Variants in DOCK1 observed in about 807,000 individuals in gnomAD.
DOCK1 encodes the protein dedicator of cytokinesis 1, also known as dedicator of cytokinesis protein 1.
In DOCK1, 138 loss-of-function variants were observed where a neutral mutation model predicts 262.7. That is an observed-to-expected ratio of 0.53 (90% CI 0.46 to 0.61). DOCK1 has a LOEUF of 0.61. Among genes scored for constraint, DOCK1 ranks in the 20% least tolerant of loss-of-function variants. DOCK1 has a pLI of 0.00. For synonymous variants in DOCK1, 866 were observed against 867.4 expected, an observed-to-expected ratio of 1.00 and a Z score of 0.03; for missense variants, 1,908 against 2,370.7, an observed-to-expected ratio of 0.80 and a Z score of 4.05.
chr10:127,334,978 G>A (rs2063132551), intron 29 of DOCK1, among the ~76,000 whole-genome samples: 1 of 152,168 alleles, frequency 6.6e-6, no homozygotes, highest in Non-Finnish European at 1.5e-5. Flanking sequence ...GACTCAGGGA[G>A]AGCCAGGGGC....
rs1931702 is a variant in DOCK1 at position 127,446,980 on chromosome 10, G to A, written c.5414-414G>A. ...TGAATCTCTCCAGGTGATAACTGCAGGGGTGACTGCAGGGGCCTGGCTTGG... is the reference window on the plus strand; with the variant it reads ...TGAATCTCTCCAGGTGATAACTGCAAGGGTGACTGCAGGGGCCTGGCTTGG... On this transcript the variant is annotated intron_variant, in intron 50 of 51. Transcript: ENST00000623213. The surrounding 1 kb of genome is among the most constrained non-coding windows in gnomAD (Gnocchi z 4.4). 0.56 allele frequency among the ~76,000 whole-genome samples: 84,587 copies of A among 151,630 alleles called. 23,612 individuals are homozygous for A. The highest frequency in any genetic ancestry group is 0.6 in the African/African-American group (24,849 of 41,330).
At chr10:127,062,147 C>T (rs1279206949) in intron 23 of DOCK1, among the ~76,000 whole-genome samples, 1 of 152,032 alleles carries the variant, frequency 6.6e-6, no homozygotes, top group African/African-American at 2.4e-5. Context: ...CCATATTGGT[C>T]AGGCTGGTCT....
intron 43 of DOCK1, among the ~76,000 whole-genome samples, chr10:127,413,936 G>C (rs1482456716): frequency 6.6e-6 from 1 of 150,864 alleles, no homozygotes; most frequent in Non-Finnish European, 1.5e-5. Flanking sequence ...TTTTGAGAGA[G>C]AGTCTTGCTC....
chr10:127,038,975 G>T (rs2043840997), intron 19 of DOCK1, among the ~76,000 whole-genome samples: 2 of 152,168 alleles, frequency 1.3e-5, no homozygotes, highest in African/African-American at 4.8e-5. Context: ...AGACTCTCCA[G>T]CAAGGTCTGT....
chr10:127,282,676 T>C (rs1435070164), intron 29 of DOCK1, among the ~76,000 whole-genome samples: 1 of 152,248 alleles, frequency 6.6e-6, no homozygotes, highest in Non-Finnish European at 1.5e-5. Context: ...CCAGGTGCTC[T>C]GCCTGCTCTT....
chr10:127,268,954 C>T (rs1426969204), intron 29 of DOCK1, among the ~76,000 whole-genome samples: 2 of 152,162 alleles, frequency 1.3e-5, no homozygotes, highest in Admixed American at 6.6e-5. Context: ...TCTGCCGAGC[C>T]TGGGGTGAAA....
chr10:127,105,651 G>T (rs2048487092), intron 23 of DOCK1, among the ~76,000 whole-genome samples: 1 of 152,170 alleles, frequency 6.6e-6, no homozygotes, highest in Non-Finnish European at 1.5e-5. Context: ...CACAGTATAG[G>T]CACTTAGGCC....
intron 29 of DOCK1, among the ~76,000 whole-genome samples, chr10:127,301,159 A>T (rs1429977435): frequency 6.6e-6 from 1 of 152,192 alleles, no homozygotes; most frequent in African/African-American, 2.4e-5. Flanking sequence ...TTACAGTGAG[A>T]ACTGGGCAGG....
intron 27 of DOCK1, among the ~76,000 whole-genome samples, chr10:127,149,338 C>T (rs1043979941): frequency 6.6e-6 from 1 of 152,174 alleles, no homozygotes; most frequent in Non-Finnish European, 1.5e-5. Flanking sequence ...TCTCACCTTT[C>T]GCTTGTCGTA....
At chr10:127,366,702 G>A (rs1461024962) in intron 33 of DOCK1, among the ~76,000 whole-genome samples, 1 of 152,200 alleles carries the variant, frequency 6.6e-6, no homozygotes, top group Non-Finnish European at 1.5e-5. Context: ...GAGTGGACAT[G>A]TGTGTGGCAC....
At chr10:127,103,343 C>T (rs1345001127) in intron 23 of DOCK1, among the ~76,000 whole-genome samples, 2 of 152,136 alleles carry the variant, frequency 1.3e-5, no homozygotes, top group Non-Finnish European at 2.9e-5. Flanking sequence ...AATCGTAGGA[C>T]CGCCAAAACA....
At position 126,946,944 on chromosome 10, in the gene DOCK1, C is replaced by T. The variant is rs943627421; in HGVS notation, c.47-23758C>T. On this transcript the variant is annotated intron_variant, in intron 1 of 51. Transcript: ENST00000623213. ...GGACAGGCTCACTTCTTGGATCAGACGCTCATTGTGAAGCAGATCAATGCA... is the reference window on the plus strand; with the variant it reads ...GGACAGGCTCACTTCTTGGATCAGATGCTCATTGTGAAGCAGATCAATGCA... Among the ~76,000 whole-genome samples, 737 of 152,254 alleles carry T rather than the reference C, an allele frequency of 4.8e-3. 6 individuals are homozygous for T. Among genetic ancestry groups the T allele is most frequent in the African/African-American group, 0.013 (552 of 41,552 alleles).
chr10:127,396,964 A>G (rs56325994), intron 38 of DOCK1, among the ~76,000 whole-genome samples: 273 of 107,070 alleles, frequency 2.5e-3, no homozygotes, highest in African/African-American at 7.0e-3. Flanking sequence ...TTACACGGGC[A>G]GCGTCTCCTG....
chr10:127,054,064 A>C (rs1359679739), intron 22 of DOCK1, among the ~76,000 whole-genome samples: 1 of 152,234 alleles, frequency 6.6e-6, no homozygotes, highest in Non-Finnish European at 1.5e-5. Flanking sequence ...GTAACCTATT[A>C]ACGAGAATAA....
chr10:127,349,970 A>C (rs900583266), intron 31 of DOCK1, among the ~76,000 whole-genome samples: 1 of 152,114 alleles, frequency 6.6e-6, no homozygotes, highest in Non-Finnish European at 1.5e-5. Flanking sequence ...CAAAGACTCT[A>C]TTTCCAAATA....
At chr10:127,093,817 C>G (rs1372252178) in intron 23 of DOCK1, among the ~76,000 whole-genome samples, 1 of 152,096 alleles carries the variant, frequency 6.6e-6, no homozygotes, top group African/African-American at 2.4e-5. Flanking sequence ...ACCTGAGACT[C>G]GGTAAAATAC....
chr10:127,273,025 A>G (rs1379385216), intron 29 of DOCK1, among the ~76,000 whole-genome samples: 1 of 152,188 alleles, frequency 6.6e-6, no homozygotes, highest in African/African-American at 2.4e-5. Context: ...GTGGGAATTC[A>G]AGATGAGATT....
At chr10:127,009,517 G>C (rs1286028570) in intron 11 of DOCK1, among the ~76,000 whole-genome samples, 2 of 152,052 alleles carry the variant, frequency 1.3e-5, no homozygotes, top group African/African-American at 4.8e-5. Flanking sequence ...TCCTCACAGA[G>C]GAGGAGAGAA....
At chr10:127,350,068 ACTTTT>A (rs1463025995) in intron 31 of DOCK1, among the ~76,000 whole-genome samples, 5 of 152,234 alleles carry the variant, frequency 3.3e-5, no homozygotes, top group South Asian at 2.1e-4. Flanking sequence ...TGACCAATAG[ACTTTT>A]CTTTTCTTTT....
Sources: allele counts gnomAD v4.1 joint callset (sites outside exome capture counted in the v4.1 genomes callset), GRCh38; gene constraint gnomAD v4.1.1; non-coding constraint Gnocchi (gnomAD v3.1); transcripts MANE v1.5; gene names NCBI Gene and HGNC (gene_info 2026-07-23, HGNC 2026-07-21).